The following NRG3 variants were observed in gnomAD, a reference collection of about 807,000 sequenced individuals.
NRG3 encodes pro-neuregulin-3, membrane-bound isoform.
In NRG3, 31 loss-of-function variants were observed where a neutral mutation model predicts 66.9. That is an observed-to-expected ratio of 0.46 (90% CI 0.35 to 0.63). The LOEUF is 0.63. Among genes scored for constraint, NRG3 ranks in the 20% least tolerant of loss-of-function variants. The pLI is 0.00. For missense variants in NRG3, 910 were observed against 878.9 expected, an observed-to-expected ratio of 1.04 and a Z score of -0.45; for synonymous variants, 393 against 359.4, an observed-to-expected ratio of 1.09 and a Z score of -1.06.
At chr10:82,261,196 G>A (rs2078009701) in intron 1 of NRG3, among the ~76,000 whole-genome samples, 1 of 152,112 alleles carries the variant, frequency 6.6e-6, no homozygotes. Flanking sequence ...AATCATGGGG[G>A]TGGTTTCCTC....
chr10:82,744,027 C>T (rs2058540435), intron 3 of NRG3, among the ~76,000 whole-genome samples: 1 of 152,082 alleles, frequency 6.6e-6, no homozygotes, highest in Admixed American at 6.5e-5. Flanking sequence ...TTATTTGGAC[C>T]TTGGTTTCTT....
intron 1 of NRG3, among the ~76,000 whole-genome samples, chr10:81,938,582 G>A (rs946195993): frequency 9.4e-5 from 14 of 149,266 alleles, no homozygotes; most frequent in African/African-American, 3.5e-4. Context: ...GATTTTGTAC[G>A]CTGCAACTTT....
At chr10:82,536,782 G>A (rs1203618818) in intron 2 of NRG3, among the ~76,000 whole-genome samples, 1 of 152,078 alleles carries the variant, frequency 6.6e-6, no homozygotes, top group Non-Finnish European at 1.5e-5. Flanking sequence ...ATCAGAGGAT[G>A]ACATCAAGGT....
intron 4 of NRG3, among the ~76,000 whole-genome samples, chr10:82,877,299 G>C (rs1185073873): frequency 6.6e-6 from 1 of 150,750 alleles, no homozygotes; most frequent in Non-Finnish European, 1.5e-5. Flanking sequence ...CTCAGGCCTT[G>C]TACCAGGCCA....
At chr10:82,016,897 G>A (rs1032039076) in intron 1 of NRG3, among the ~76,000 whole-genome samples, 1 of 152,124 alleles carries the variant, frequency 6.6e-6, no homozygotes, top group African/African-American at 2.4e-5. Flanking sequence ...GGATTTCTTT[G>A]AGCATGTAAG....
intron 1 of NRG3, among the ~76,000 whole-genome samples, chr10:81,920,506 A>G (rs1476423327): frequency 6.6e-6 from 1 of 152,198 alleles, no homozygotes; most frequent in African/African-American, 2.4e-5. Context: ...TCTAAAAAAA[A>G]AATGATACTT....
intron 2 of NRG3, among the ~76,000 whole-genome samples, chr10:82,710,360 T>G (rs928091639): frequency 3.3e-5 from 5 of 152,126 alleles, no homozygotes; most frequent in African/African-American, 1.2e-4. Context: ...CCAAGGCAGG[T>G]GAATCCTCTC....
At chr10:82,196,840 C>A (rs958500947) in intron 1 of NRG3, among the ~76,000 whole-genome samples, 2 of 152,136 alleles carry the variant, frequency 1.3e-5, no homozygotes, top group Non-Finnish European at 2.9e-5. Context: ...GATCTATGCT[C>A]AGATCTTAAG....
chr10:82,763,629 A>G (rs1423199169), intron 3 of NRG3, among the ~76,000 whole-genome samples: 1 of 152,106 alleles, frequency 6.6e-6, no homozygotes, highest in Non-Finnish European at 1.5e-5. Flanking sequence ...GGAAACCCCA[A>G]GATAAATGAG....
intron 2 of NRG3, among the ~76,000 whole-genome samples, chr10:82,732,102 A>G (rs2057938854): frequency 6.6e-6 from 1 of 152,198 alleles, no homozygotes; most frequent in African/African-American, 2.4e-5. Flanking sequence ...TAAAACATTA[A>G]AACATCATGT....
intron 1 of NRG3, among the ~76,000 whole-genome samples, chr10:82,192,739 G>T (rs2074224841): frequency 6.6e-6 from 1 of 152,178 alleles, no homozygotes; most frequent in Non-Finnish European, 1.5e-5. Flanking sequence ...AACAAGAGAG[G>T]CATGAAGCTT....
At chr10:82,159,024 A>T (rs1365198768) in intron 1 of NRG3, among the ~76,000 whole-genome samples, 1 of 151,882 alleles carries the variant, frequency 6.6e-6, no homozygotes. Context: ...GATAGGTTTC[A>T]ATTTTTTTTA....
intron 2 of NRG3, among the ~76,000 whole-genome samples, chr10:82,383,430 A>AG (rs2085758535): frequency 6.6e-6 from 1 of 151,430 alleles, no homozygotes; most frequent in South Asian, 2.1e-4. Flanking sequence ...CCTTTTTTAA[A>AG]AAAAACACAT....
chr10:82,208,006 C>G (rs562508965), intron 1 of NRG3, among the ~76,000 whole-genome samples: 1 of 152,198 alleles, frequency 6.6e-6, no homozygotes, highest in East Asian at 1.9e-4. Flanking sequence ...AGTATCTGAC[C>G]ATTTATTACT....
Position 82,904,797 on chromosome 10 carries a change from G to A in NRG3, c.1054+39360G>A, listed in dbSNP as rs990931661. On this transcript the variant is annotated intron_variant, in intron 4 of 8. Coordinates refer to ENST00000372141, the MANE Select transcript of NRG3 (RefSeq NM_001010848.4). Reference sequence around the variant, plus strand: ...AGAGGGTTTCAATGGTGATAATGATGTCAACAAAAATAGCATCGACTATTT... The same window carrying A: ...AGAGGGTTTCAATGGTGATAATGATATCAACAAAAATAGCATCGACTATTT... 7.9e-5 allele frequency among the ~76,000 whole-genome samples: 12 copies of A among 152,208 alleles called. No individual in the cohort carries two copies. The East Asian group carries it at 2.1e-3, about 27-fold the overall frequency.
chr10:82,267,867 C>A (rs2078385472), intron 1 of NRG3, among the ~76,000 whole-genome samples: 1 of 152,050 alleles, frequency 6.6e-6, no homozygotes, highest in African/African-American at 2.4e-5. Context: ...CAGCAGAAAC[C>A]CATTTGAGAT....
At chr10:82,149,658 A>G (rs1338634028) in intron 1 of NRG3, among the ~76,000 whole-genome samples, 1 of 151,720 alleles carries the variant, frequency 6.6e-6, no homozygotes. Flanking sequence ...TACTTTCTGA[A>G]TAAGATATTA....
chr10:82,330,489 A>G (rs779540027), intron 1 of NRG3, among the ~76,000 whole-genome samples: 75 of 152,270 alleles, frequency 4.9e-4, no homozygotes, highest in Non-Finnish European at 9.6e-4. Flanking sequence ...TCCAAATGTA[A>G]TTTACTGAAC....
At chr10:82,883,579 A>G (rs1842476600) in intron 4 of NRG3, among the ~76,000 whole-genome samples, 1 of 152,158 alleles carries the variant, frequency 6.6e-6, no homozygotes, top group Admixed American at 6.5e-5. Flanking sequence ...TCCCTAGTCA[A>G]CTTATATTTG....
Sources: allele counts gnomAD v4.1 joint callset (sites outside exome capture counted in the v4.1 genomes callset), GRCh38; gene constraint gnomAD v4.1.1; transcripts MANE v1.5; gene names NCBI Gene and HGNC (gene_info 2026-07-23, HGNC 2026-07-21).